The following TTK variants were observed in gnomAD, a reference collection of about 807,000 sequenced individuals.
TTK encodes dual specificity protein kinase TTK.
Under a neutral mutation model 117.3 loss-of-function variants are expected in TTK, and 59 were observed. The observed-to-expected ratio is 0.50, with a 90% CI of 0.41 to 0.62. The LOEUF (loss-of-function observed/expected upper bound fraction) is 0.62. TTK is among the 20% of genes least tolerant of loss of function. The probability of loss-of-function intolerance (pLI) is 0.00; values close to 1 mark genes in which losing one functional copy is unlikely to be tolerated. For missense variants in TTK, 921 were observed against 989.4 expected, an observed-to-expected ratio of 0.93 and a Z score of 0.93; for synonymous variants, 302 against 325.0, an observed-to-expected ratio of 0.93 and a Z score of 0.76.
Position 80,011,971 on chromosome 6 carries a change from T to G in TTK, c.887T>G (p.Phe296Cys). The G allele has an allele frequency of 6.2e-7, 1 of 1,607,332 alleles. No individual in the cohort carries two copies. The highest frequency in any genetic ancestry group is 8.5e-7 in the Non-Finnish European group (1 of 1,177,892). ...ACAGATGATTCAGTTGTACCTTGTT[T>G]TATGAAAAGGTATGTTGAGTTTTAA... is the stretch of plus-strand genomic sequence containing the variant. ...VKTDDSVVPC[F>C]MKRQTSRSEC... Residue 296 changes from phenylalanine to cysteine, a missense_variant, in exon 8 of 22, where the codon TTT becomes TGT. By Grantham distance (205) the Phe-to-Cys change is radical. Coordinates refer to ENST00000369798, the MANE Select transcript of TTK (RefSeq NM_003318.5).
At position 80,011,164 on chromosome 6, in the gene TTK, T is replaced by C. The variant is rs187191594; in HGVS notation, c.613+207T>C. On this transcript the variant is annotated intron_variant, in intron 5 of 21. Coordinates refer to ENST00000369798, the MANE Select transcript of TTK (RefSeq NM_003318.5). Reference sequence around the variant, plus strand: ...TGCTAACTAAACTTTCGTTAACACATGAAAAACAACTCTAAGCAAGAGAAT... The same window carrying C: ...TGCTAACTAAACTTTCGTTAACACACGAAAAACAACTCTAAGCAAGAGAAT... Among the ~76,000 whole-genome samples the C allele has an allele frequency of 2.1e-3, 313 of 151,654 alleles. 2 individuals carry two copies. Among genetic ancestry groups the C allele is most frequent in the Non-Finnish European group, 3.1e-3 (208 of 67,806 alleles).
chr6:80,041,325 A>G (rs1260654579), intron 21 of TTK, among the ~76,000 whole-genome samples: 1 of 151,882 alleles, frequency 6.6e-6, no homozygotes, highest in Non-Finnish European at 1.5e-5. Context: ...CTCTGGATAC[A>G]TATAAAATCC....
intron 3 of TTK, 68 bp from the exon 4 acceptor site, chr6:80,008,318 T>A (rs1454363840): frequency 6.9e-7 from 1 of 1,454,114 alleles, no homozygotes; most frequent in African/African-American, 1.4e-5. Flanking sequence ...GAAAATTGAA[T>A]GAAGCATTAT....
chr6:80,011,329 G>A lies in TTK; in HGVS notation c.614-105G>A, dbSNP rs1368879359. Reference sequence around the variant, plus strand: ...GTCTGCATATCTTACTTGGGGACAAGTATTTCCTATGAATTGACTTTTAAA... The same window carrying A: ...GTCTGCATATCTTACTTGGGGACAAATATTTCCTATGAATTGACTTTTAAA... On this transcript the variant is annotated intron_variant, in intron 5 of 21. Transcript: ENST00000369798. The A allele has an allele frequency of 9.6e-6, 7 of 727,776 alleles. No homozygotes were observed. The East Asian group carries it at 1.7e-4, about 18-fold the overall frequency. 45.1% of individuals were successfully genotyped at this position (727,776 alleles called of 1,614,324 possible).
chr6:80,010,602 A>T (rs1463992635), intron 4 of TTK, among the ~76,000 whole-genome samples: 1 of 151,784 alleles, frequency 6.6e-6, no homozygotes, highest in Middle Eastern at 3.2e-3. Flanking sequence ...ACTATTTGGT[A>T]TGCATTGTTA....
At chr6:80,013,925 T>C (rs1164617003) in intron 9 of TTK, among the ~76,000 whole-genome samples, 1 of 152,092 alleles carries the variant, frequency 6.6e-6, no homozygotes, top group African/African-American at 2.4e-5. Context: ...GTGGGTCTTT[T>C]CAATTTTATG....
At chr6:80,006,213 A>G (rs1766991382) in intron 2 of TTK, 1 of 508,104 alleles carries the variant, frequency 2.0e-6, no homozygotes, top group East Asian at 4.6e-5. Flanking sequence ...ACAATGATTA[A>G]TGGGTGAAAA....
chr6:80,035,297 A>T lies in TTK; in HGVS notation c.1804A>T (p.Met602Leu). 1 of 1,611,084 alleles carries T rather than the reference A, an allele frequency of 6.2e-7. No homozygotes were observed. The highest frequency in any genetic ancestry group is 8.5e-7 in the Non-Finnish European group (1 of 1,178,904). Residue 602 changes from methionine (M) to leucine (L), a missense_variant, in exon 16 of 22, where the codon ATG (methionine) becomes TTG (leucine). Transcript: ENST00000369798. Reference protein sequence around the residue: ...EITDQYIYMVMECGNIDLNSW... With the variant: ...EITDQYIYMVLECGNIDLNSW... ...CACGGACCAGTACATCTACATGGTAATGGAGTGTGGAAATATTGATCTTAA... is the reference window on the plus strand; with the variant it reads ...CACGGACCAGTACATCTACATGGTATTGGAGTGTGGAAATATTGATCTTAA...
intron 1 of TTK, 147 bp from the exon 2 acceptor site, chr6:80,005,695 C>T: frequency 2.6e-6 from 2 of 780,032 alleles, no homozygotes; most frequent in Admixed American, 3.1e-5. Flanking sequence ...TGTGCACTTA[C>T]CTCCATTAAT....
chr6:80,027,940 C>G lies in TTK; in HGVS notation c.1450C>G (p.Pro484Ala). ...DFPPACQLST[P>A]YGQPACFQQQ... ...TCCACCTGCTTGTCAGTTGTCAACACCTTATGGCCAACCTGCCTGTTTCCA... is the reference window on the plus strand; with the variant it reads ...TCCACCTGCTTGTCAGTTGTCAACAGCTTATGGCCAACCTGCCTGTTTCCA... The change falls in exon 13 of 22, where the codon CCT (proline) becomes GCT (alanine). Residue 484 changes from proline (P) to alanine (A), a missense_variant. By Grantham distance (27) the Pro-to-Ala change is conservative. Transcript: ENST00000369798. The G allele has an allele frequency of 6.2e-7, 1 of 1,608,992 alleles. No individual in the cohort carries two copies. Among genetic ancestry groups the G allele is most frequent in the Non-Finnish European group, 8.5e-7 (1 of 1,177,076 alleles).
intron 18 of TTK, 87 bp downstream of exon 18, chr6:80,038,134 C>T: frequency 3.2e-6 from 3 of 933,368 alleles, no homozygotes; most frequent in Non-Finnish European, 4.6e-6. Context: ...ATAACAATTT[C>T]TTTAAGTTCT....
chr6:80,041,917 T>C (rs1213497448), intron 21 of TTK, among the ~76,000 whole-genome samples: 1 of 151,722 alleles, frequency 6.6e-6, no homozygotes, highest in Admixed American at 6.6e-5. Context: ...TTGAGTTATA[T>C]CTCATGATAG....
intron 1 of TTK, among the ~76,000 whole-genome samples, 192 bp from the exon 2 acceptor site, chr6:80,005,650 T>A (rs1023080976): frequency 6.6e-6 from 1 of 152,246 alleles, no homozygotes; most frequent in African/African-American, 2.4e-5. Flanking sequence ...TATGAAACCT[T>A]GGTGAATAAA....
intron 10 of TTK, among the ~76,000 whole-genome samples, chr6:80,018,543 G>T (rs1179414402): frequency 6.7e-6 from 1 of 148,652 alleles, no homozygotes; most frequent in African/African-American, 2.5e-5. Context: ...AGAATCGCTT[G>T]AACCTGGGAG....
chr6:80,011,025 A>C (rs239556), intron 5 of TTK, 68 bp downstream of exon 5: 1 of 1,469,398 alleles, frequency 6.8e-7, no homozygotes, highest in Non-Finnish European at 9.1e-7. Flanking sequence ...CGGGATAATA[A>C]TTTATAGAAA....
intron 13 of TTK, among the ~76,000 whole-genome samples, chr6:80,031,259 T>TA (rs1562022385): frequency 6.6e-6 from 1 of 151,782 alleles, no homozygotes; most frequent in Non-Finnish European, 1.5e-5. Flanking sequence ...CAAAACTAGT[T>TA]AAAGGGGGAG....
intron 21 of TTK, 76 bp downstream of exon 21, chr6:80,040,779 T>C: frequency 7.1e-7 from 1 of 1,402,152 alleles, no homozygotes; most frequent in Non-Finnish European, 9.8e-7. Context: ...ACAGGTAGTC[T>C]GAAGAAAAGT....
At chr6:80,036,623 C>T (rs1333798996) in intron 17 of TTK, 24 bp downstream of exon 17, 3 of 1,586,140 alleles carry the variant, frequency 1.9e-6, no homozygotes, top group East Asian at 2.3e-5. Context: ...TTGGTTCTCT[C>T]ACAGTAGAGT....
chr6:80,021,236 C>T (rs1336731467), intron 10 of TTK, among the ~76,000 whole-genome samples: 2 of 152,194 alleles, frequency 1.3e-5, no homozygotes, highest in Admixed American at 1.3e-4. Flanking sequence ...GGTGGTCTCC[C>T]TAGCTGCTGG....
Sources: allele counts gnomAD v4.1 joint callset (sites outside exome capture counted in the v4.1 genomes callset), GRCh38; gene constraint gnomAD v4.1.1; transcripts MANE v1.5; gene names NCBI Gene and HGNC (gene_info 2026-07-23, HGNC 2026-07-21).